The following DNER variants were observed in gnomAD, a reference collection of about 807,000 sequenced individuals.
The protein encoded by DNER is delta and Notch-like epidermal growth factor-related receptor.
Under a neutral mutation model 78.2 loss-of-function variants are expected in DNER, and 33 were observed. That is an observed-to-expected ratio of 0.42 (90% CI 0.32 to 0.56). The LOEUF is 0.56. DNER is among the 20% of genes least tolerant of loss of function. DNER has a pLI of 0.11. For missense variants in DNER, 918 were observed against 975.3 expected, an observed-to-expected ratio of 0.94 and a Z score of 0.78; for synonymous variants, 417 against 384.8, an observed-to-expected ratio of 1.08 and a Z score of -0.98.
intron 7 of DNER, among the ~76,000 whole-genome samples, chr2:229,462,345 C>T (rs1255571586): frequency 6.6e-6 from 1 of 151,970 alleles, no homozygotes; most frequent in East Asian, 1.9e-4. Flanking sequence ...TTTTTGCTGA[C>T]AGGGTAAAGA....
chr2:229,473,656 G>T (rs751961778), intron 7 of DNER, among the ~76,000 whole-genome samples: 2 of 152,168 alleles, frequency 1.3e-5, no homozygotes, highest in Non-Finnish European at 1.5e-5. Flanking sequence ...AACGCAACCC[G>T]TAGGAAAGGT....
Position 229,377,890 on chromosome 2 carries a change from A to G in DNER, c.1855+10375T>C, listed in dbSNP as rs111690240. Among the ~76,000 whole-genome samples, 628 of 152,320 alleles carry G rather than the reference A, an allele frequency of 4.1e-3. 7 individuals carry two copies. Among genetic ancestry groups the G allele is most frequent in the African/African-American group, 0.014 (578 of 41,574 alleles). ...CCTAATGCCCAGAACCTATCAATAC[A>G]TTATATGGCAAAAATGACTTTCCTA... On this transcript the variant is annotated intron_variant, in intron 11 of 12. Transcript: ENST00000341772.
intron 1 of DNER, among the ~76,000 whole-genome samples, chr2:229,706,394 T>C (rs1023376050): frequency 4.7e-5 from 2 of 42,464 alleles, no homozygotes; most frequent in African/African-American, 1.7e-4. Context: ...CTAGTAAAAA[T>C]ACAAAAAAAA....
intron 4 of DNER, among the ~76,000 whole-genome samples, chr2:229,563,973 A>C (rs1405271013): frequency 2.1e-3 from 121 of 58,430 alleles, no homozygotes; most frequent in Admixed American, 4.4e-3. Flanking sequence ...TCCTCATCCC[A>C]TCACCATCAT....
chr2:229,650,267 A>G (rs946243122), intron 1 of DNER, among the ~76,000 whole-genome samples: 1 of 152,118 alleles, frequency 6.6e-6, no homozygotes, highest in African/African-American at 2.4e-5. Context: ...TTCCCTCACT[A>G]AACTATTCTC....
chr2:229,364,683 A>G (rs1692300048), intron 12 of DNER, among the ~76,000 whole-genome samples: 1 of 152,206 alleles, frequency 6.6e-6, no homozygotes. Context: ...TCCCCATGGA[A>G]GCTGAGTTCT....
At chr2:229,430,703 T>C (rs542746684) in intron 8 of DNER, among the ~76,000 whole-genome samples, 2 of 150,202 alleles carry the variant, frequency 1.3e-5, no homozygotes, top group East Asian at 1.9e-4. Context: ...TATATATATA[T>C]ATATTCCATT....
At chr2:229,563,687 A>G (rs189233653) in intron 4 of DNER, among the ~76,000 whole-genome samples, 2 of 139,930 alleles carry the variant, frequency 1.4e-5, no homozygotes, top group East Asian at 2.3e-4. Flanking sequence ...TTATCACCCC[A>G]TCACCGTCAT....
At chr2:229,710,626 A>ATC (rs1425569983) in intron 1 of DNER, among the ~76,000 whole-genome samples, 17 of 152,182 alleles carry the variant, frequency 1.1e-4, no homozygotes, top group Non-Finnish European at 2.4e-4. Context: ...AGATTTTCAT[A>ATC]TACAGTTTTA....
At chr2:229,658,367 T>C (rs369551800) in intron 1 of DNER, among the ~76,000 whole-genome samples, 1 of 152,192 alleles carries the variant, frequency 6.6e-6, no homozygotes, top group Non-Finnish European at 1.5e-5. Flanking sequence ...GTTGCCCAAG[T>C]GTTAATGAAC....
At chr2:229,515,639 A>T (rs6742926) in intron 5 of DNER, among the ~76,000 whole-genome samples, 5,755 of 71,244 alleles carry the variant, frequency 0.081, 286 homozygotes, top group Non-Finnish European at 0.13. Flanking sequence ...AGTTAGCTTT[A>T]TTTTTTTATT....
At chr2:229,609,038 C>G (rs1697997344) in intron 1 of DNER, among the ~76,000 whole-genome samples, 1 of 152,118 alleles carries the variant, frequency 6.6e-6, no homozygotes, top group Non-Finnish European at 1.5e-5. Context: ...GCCTGGCCAA[C>G]ATGGTGAAAC....
chr2:229,456,432 G>T (rs1694574983), intron 7 of DNER, among the ~76,000 whole-genome samples: 1 of 151,404 alleles, frequency 6.6e-6, no homozygotes, highest in Non-Finnish European at 1.5e-5. Flanking sequence ...CAAGCAGAAA[G>T]GCCAAGAATG....
At chr2:229,567,082 AG>A (rs1003017865) in intron 4 of DNER, among the ~76,000 whole-genome samples, 36 of 152,316 alleles carry the variant, frequency 2.4e-4, no homozygotes, top group African/African-American at 7.9e-4. Flanking sequence ...CTCCAACAAC[AG>A]GGCTTTTGCA....
In DNER at chr2:229,431,112, G is replaced by A. The variant is rs752421044; in HGVS notation, c.1487-12882C>T. ...ATTCTGTAACTTCTGTAGATGTACTGAGTGTAAATCATAATTAATTTATAT... is the reference window on the plus strand; with the variant it reads ...ATTCTGTAACTTCTGTAGATGTACTAAGTGTAAATCATAATTAATTTATAT... On this transcript the variant is annotated intron_variant, in intron 8 of 12. Coordinates refer to ENST00000341772, the MANE Select transcript of DNER (RefSeq NM_139072.4). Among the ~76,000 whole-genome samples, 6 of 152,218 alleles carry A rather than the reference G, an allele frequency of 3.9e-5. No individual in the cohort carries two copies. In the East Asian group the frequency reaches 1.2e-3, roughly 29 times the overall value.
intron 7 of DNER, among the ~76,000 whole-genome samples, chr2:229,456,163 T>C (rs1260991052): frequency 6.6e-6 from 1 of 150,968 alleles, no homozygotes; most frequent in African/African-American, 2.4e-5. Context: ...CCGCATGGAG[T>C]TTACAATCAT....
chr2:229,714,254 C>A lies in DNER; in HGVS notation c.170G>T (p.Gly57Val), dbSNP rs771133192. 3 of 1,411,368 alleles carry A rather than the reference C, an allele frequency of 2.1e-6. No individual in the cohort carries two copies. Among genetic ancestry groups the A allele is most frequent in the Non-Finnish European group, 2.8e-6 (3 of 1,084,652 alleles). 87.4% of individuals were successfully genotyped at this position (1,411,368 alleles called of 1,614,324 possible). ...CGGCTCAGGGCGCGAGGTGCACACACCCCCATTCCGGCAGGGCTGCGCGGC... is the reference window on the plus strand; with the variant it reads ...CGGCTCAGGGCGCGAGGTGCACACAACCCCATTCCGGCAGGGCTGCGCGGC... Reference protein sequence around the residue: ...PCAAQPCRNGGVCTSRPEPDP... With the variant: ...PCAAQPCRNGVVCTSRPEPDP... Residue 57 changes from glycine to valine, a missense_variant, in exon 1 of 13, where the codon GGT (glycine) becomes GTT (valine). Gly to Val is a moderately radical substitution (Grantham distance 109). Transcript: ENST00000341772.
At chr2:229,567,085 G>A (rs1268744947) in intron 4 of DNER, among the ~76,000 whole-genome samples, 1 of 152,160 alleles carries the variant, frequency 6.6e-6, no homozygotes, top group Non-Finnish European at 1.5e-5. Flanking sequence ...CAACAACAGG[G>A]CTTTTGCACA....
At chr2:229,656,098 C>T (rs1011726836) in intron 1 of DNER, among the ~76,000 whole-genome samples, 1 of 152,116 alleles carries the variant, frequency 6.6e-6, no homozygotes, top group Non-Finnish European at 1.5e-5. Flanking sequence ...TTAAGCCACC[C>T]AGCGTGTGAT....
Sources: allele counts gnomAD v4.1 joint callset (sites outside exome capture counted in the v4.1 genomes callset), GRCh38; gene constraint gnomAD v4.1.1; transcripts MANE v1.5; gene names NCBI Gene and HGNC (gene_info 2026-07-23, HGNC 2026-07-21).